The following DTX1 variants were observed in gnomAD, a reference collection of about 807,000 sequenced individuals.
DTX1 encodes the protein E3 ubiquitin-protein ligase DTX1.
In DTX1, 26 loss-of-function variants were observed where a neutral mutation model predicts 57.8. The ratio of observed to expected loss-of-function variants is 0.45; its 90% CI spans 0.33 to 0.62. DTX1 has a LOEUF of 0.62. Among genes scored for constraint, DTX1 ranks in the 20% least tolerant of loss-of-function variants. The pLI, the probability that DTX1 is intolerant of heterozygous loss-of-function variation, is 0.02. For missense variants in DTX1, 704 were observed against 895.3 expected (o/e 0.79, Z 2.73); for synonymous variants, 398 against 394.1 (o/e 1.01, Z -0.12).
At chr12:113,070,504 C>T (rs73205279) in intron 2 of DTX1, among the ~76,000 whole-genome samples, 23,141 of 152,166 alleles carry the variant, frequency 0.15, 3,042 homozygotes, top group African/African-American at 0.36. Context: ...AGAGAGGAAC[C>T]GTTTAGAGGC....
rs1950264526 is a variant in DTX1 at position 113,093,746 on chromosome 12, C to T, written c.1165+46C>T. 3.7e-6 allele frequency: 6 copies of T among 1,602,812 alleles called. No individual in the cohort carries two copies. Among genetic ancestry groups the T allele is most frequent in the Non-Finnish European group, 5.1e-6 (6 of 1,172,576 alleles). On this transcript the variant is annotated intron_variant, in intron 5 of 9. Transcript: ENST00000548759. The surrounding 1 kb of genome is among the most constrained non-coding windows in gnomAD (Gnocchi z 4.2). ...CTCACACGAGATGAACCCCACTAAG[C>T]CTTGACCACAACTCTGTGACCCCTG...
intron 3 of DTX1, among the ~76,000 whole-genome samples, chr12:113,084,448 C>G (rs1328453507): frequency 1.3e-5 from 2 of 152,084 alleles, no homozygotes; most frequent in Non-Finnish European, 2.9e-5. Flanking sequence ...TGCAGTGGCA[C>G]AATTATAGCT....
rs568573948 is a variant in DTX1 at position 113,078,124 on chromosome 12, G to A, written c.941+19G>A. On this transcript the variant is annotated intron_variant, in intron 3 of 9. Transcript: ENST00000548759. ...CGCCGGGGTAAGACGGGGCCCAGGG[G>A]GAGGGGGCCTCTGCGTCGTCCGCAG... The A allele has an allele frequency of 2.5e-3, 3,386 of 1,345,864 alleles. 11 individuals carry two copies. The highest frequency in any genetic ancestry group is 9.5e-3 in the Middle Eastern group (36 of 3,802). 83.4% of individuals were successfully genotyped at this position (1,345,864 alleles called of 1,614,324 possible).
intron 3 of DTX1, among the ~76,000 whole-genome samples, chr12:113,082,406 G>A (rs536283254): frequency 6.6e-6 from 1 of 152,280 alleles, no homozygotes; most frequent in East Asian, 1.9e-4. Context: ...GATAGGGGTG[G>A]CAGACCCTGG....
At chr12:113,059,135 G>A (rs907368962) in intron 2 of DTX1, among the ~76,000 whole-genome samples, 6 of 152,048 alleles carry the variant, frequency 3.9e-5, no homozygotes, top group African/African-American at 1.4e-4. Flanking sequence ...TTGTGTTGGT[G>A]GTGACTCAGT....
At chr12:113,061,870 T>A (rs1246007715) in intron 2 of DTX1, among the ~76,000 whole-genome samples, 2 of 149,220 alleles carry the variant, frequency 1.3e-5, no homozygotes, top group Non-Finnish European at 2.9e-5. Flanking sequence ...CACACCCGGC[T>A]AATTTTTGTA....
intron 2 of DTX1, among the ~76,000 whole-genome samples, chr12:113,059,493 G>A (rs1390196059): frequency 6.6e-6 from 1 of 152,106 alleles, no homozygotes; most frequent in Non-Finnish European, 1.5e-5. Flanking sequence ...AGATAAAATC[G>A]ATGAGGTCCC....
intron 3 of DTX1, among the ~76,000 whole-genome samples, chr12:113,092,534 A>T (rs1035746710): frequency 6.6e-6 from 1 of 152,160 alleles, no homozygotes; most frequent in African/African-American, 2.4e-5. Flanking sequence ...TCATTTGAAG[A>T]GAGGATAGTA....
At chr12:113,071,318 T>G (rs1357511843) in intron 2 of DTX1, among the ~76,000 whole-genome samples, 1 of 152,242 alleles carries the variant, frequency 6.6e-6, no homozygotes, top group Admixed American at 6.5e-5. Context: ...CCAAAGCCCC[T>G]TTCTCCAGTT....
intron 2 of DTX1, among the ~76,000 whole-genome samples, chr12:113,076,044 G>A (rs2044769197): frequency 1.3e-5 from 2 of 151,558 alleles, no homozygotes; most frequent in South Asian, 2.1e-4. Flanking sequence ...GAAGGAGAGA[G>A]GGGAAAGTAC....
chr12:113,088,839 TTTGTTGTTGTTG>T (rs34865485), intron 3 of DTX1, among the ~76,000 whole-genome samples: 1 of 149,764 alleles, frequency 6.7e-6, no homozygotes, highest in East Asian at 2.0e-4. Context: ...CCTCAAAAGT[TTTGTTGTTGTTG>T]TTGTTGTTGT....
chr12:113,075,071 T>A (rs2136057545), intron 2 of DTX1, among the ~76,000 whole-genome samples: 1 of 152,054 alleles, frequency 6.6e-6, no homozygotes, highest in East Asian at 1.9e-4. Context: ...ATCATCAGAG[T>A]AGACACGGTA....
chr12:113,078,104 G>C lies in DTX1; in HGVS notation c.940G>C (p.Gly314Arg). The C allele has an allele frequency of 7.3e-7, 1 of 1,372,262 alleles. No individual in the cohort carries two copies. The highest frequency in any genetic ancestry group is 9.4e-7 in the Non-Finnish European group (1 of 1,064,714). The allele number at this position is 1,372,262 out of a possible 1,614,324, so 85.0% of individuals were successfully genotyped here. ...GAGCGCGCGCGCCTCCATCCCGCCGGGGTAAGACGGGGCCCAGGGGGAGGG... is the reference window on the plus strand; with the variant it reads ...GAGCGCGCGCGCCTCCATCCCGCCGCGGTAAGACGGGGCCCAGGGGGAGGG... ...SVSARASIPP[G>R]VPALPVKNLN... The change falls in exon 3 of 10, where the codon GGG becomes CGG. Residue 314 changes from glycine to arginine, a missense_variant and splice_region_variant. Physicochemically the swap from Gly to Arg is moderately radical, Grantham distance 125. This residue lies in a region of DTX1 where 299 missense variants were observed against 311.2 expected (regional missense o/e 0.96). Coordinates refer to ENST00000548759, the MANE Select transcript of DTX1 (RefSeq NM_004416.3).
intron 3 of DTX1, among the ~76,000 whole-genome samples, chr12:113,086,947 C>T (rs1158626478): frequency 1.3e-5 from 2 of 150,828 alleles, no homozygotes; most frequent in African/African-American, 4.9e-5. Context: ...GCACTTCCTG[C>T]CCTGCTCCCT....
At chr12:113,095,572 A>G (rs1319232403) in intron 9 of DTX1, 158 bp downstream of exon 9, 10 of 868,190 alleles carry the variant, frequency 1.2e-5, no homozygotes, top group Non-Finnish European at 1.7e-5. Flanking sequence ...CCTCCTTCAC[A>G]CATCTTATCT....
rs375934553 is a variant in DTX1, at chr12:113,094,847, G to C, written c.1286G>C (p.Arg429Pro). Residue 429 changes from arginine (R) to proline (P), a missense_variant, in exon 7 of 10, where the codon CGG becomes CCG. Around this residue, in one of 3 missense-constraint regions of DTX1, gnomAD observed 299 missense variants for 311.2 expected, o/e 0.96. Transcript: ENST00000548759. Reference sequence around the variant, plus strand: ...GCATCAGGCTACGAGGGCGTGCTTCGGCACAAGGGCGTGCGGCCTGAGCTC... The same window carrying C: ...GCATCAGGCTACGAGGGCGTGCTTCCGCACAAGGGCGTGCGGCCTGAGCTC... ...VTASGYEGVL[R>P]HKGVRPELVG... The C allele has an allele frequency of 2.5e-6, 4 of 1,613,700 alleles. No homozygotes were observed. Among genetic ancestry groups the C allele is most frequent in the Non-Finnish European group, 3.4e-6 (4 of 1,179,998 alleles).
Position 113,077,335 on chromosome 12 carries a change from CG to C in DTX1, c.260-88del. On this transcript the variant is annotated intron_variant, in intron 2 of 9. Transcript: ENST00000548759. This position sits in a 1 kb window ranked among gnomAD's most constrained non-coding sequence, Gnocchi z 7.8. ...GGCCTGTGCTGACCCCCCAACCTCC[CG>C]CCCACCCTTGCCTGGCTGTGGCCCG... 1 of 1,435,962 alleles carries C rather than the reference CG, an allele frequency of 7.0e-7. No homozygotes were observed. The allele number at this position is 1,435,962 out of a possible 1,614,324, so 89.0% of individuals were successfully genotyped here.
intron 3 of DTX1, among the ~76,000 whole-genome samples, chr12:113,083,905 C>T (rs749739327): frequency 8.5e-5 from 13 of 152,244 alleles, no homozygotes; most frequent in East Asian, 1.9e-4. Flanking sequence ...TCTCTAGCCT[C>T]AGTCTCCCCA....
chr12:113,093,965 GAC>G lies in DTX1; in HGVS notation c.1166-72_1166-71del. On this transcript the variant is annotated intron_variant, in intron 5 of 9. Transcript: ENST00000548759. The surrounding 1 kb of genome is among the most constrained non-coding windows in gnomAD (Gnocchi z 4.2). ...GCCTGACCCCTGCCCTCTGACCCCT[GAC>G]CCAGTTCTGAGCCAAGCCTTCGGGG... The G allele has an allele frequency of 1.3e-6, 2 of 1,547,506 alleles. No individual in the cohort carries two copies. The highest frequency in any genetic ancestry group is 1.8e-6 in the Non-Finnish European group (2 of 1,142,022).
Sources: gnomAD v4.1 joint callset for allele counts (sites outside exome capture counted in the v4.1 genomes callset) on GRCh38, gnomAD v4.1.1 for gene constraint, gnomAD v4.1.1 regional missense constraint, Gnocchi (gnomAD v3.1) non-coding constraint, MANE v1.5 for transcripts, NCBI Gene and HGNC (gene_info 2026-07-23, HGNC 2026-07-21) for gene names.